The following GSTCD variants were observed in gnomAD, a reference collection of about 807,000 sequenced individuals.
GSTCD encodes glutathione S-transferase C-terminal domain containing.
A neutral mutation model predicts 68.3 loss-of-function variants in GSTCD; 44 were observed. That is an observed-to-expected ratio of 0.64 (90% CI 0.51 to 0.83). GSTCD has a LOEUF of 0.83. Among genes scored for constraint, GSTCD ranks in the 40% least tolerant of loss-of-function variants. The probability of loss-of-function intolerance (pLI) is 0.00; values close to 1 mark genes in which losing one functional copy is unlikely to be tolerated. For synonymous variants in GSTCD, 273 were observed against 255.2 expected (o/e 1.07, Z -0.67); for missense variants, 739 against 735.9 (o/e 1.00, Z -0.05).
At chr4:105,834,177 TTGTTTCGAATCTAG>T (rs1560853856) in intron 8 of GSTCD, among the ~76,000 whole-genome samples, 2 of 152,238 alleles carry the variant, frequency 1.3e-5, no homozygotes, top group African/African-American at 4.8e-5. Context: ...CTCGAAATTC[TTGTTTCGAATCTAG>T]TGTTCCTGGA....
intron 4 of GSTCD, among the ~76,000 whole-genome samples, chr4:105,727,189 G>A (rs1370320996): frequency 7.0e-6 from 1 of 143,020 alleles, no homozygotes; most frequent in East Asian, 2.0e-4. Context: ...GTAAAGTTTT[G>A]GTCTCAGCCT....
intron 4 of GSTCD, among the ~76,000 whole-genome samples, chr4:105,727,935 G>A (rs149872418): frequency 2.6e-5 from 4 of 152,280 alleles, no homozygotes; most frequent in East Asian, 1.9e-4. Flanking sequence ...TTTGGGTTAG[G>A]AAGTATTTGA....
intron 5 of GSTCD, among the ~76,000 whole-genome samples, chr4:105,819,852 C>A (rs1723191201): frequency 6.6e-6 from 1 of 150,990 alleles, no homozygotes; most frequent in African/African-American, 2.4e-5. Context: ...AAGCTCTAAA[C>A]ATAGTTTTAG....
At chr4:105,790,889 A>T (rs1402725110) in intron 5 of GSTCD, among the ~76,000 whole-genome samples, 2 of 152,058 alleles carry the variant, frequency 1.3e-5, no homozygotes, top group African/African-American at 2.4e-5. Flanking sequence ...GTGATAACCA[A>T]CATCCACTCA....
chr4:105,818,013 T>C (rs1185856507), intron 5 of GSTCD, among the ~76,000 whole-genome samples: 2 of 151,930 alleles, frequency 1.3e-5, no homozygotes, highest in African/African-American at 4.8e-5. Flanking sequence ...TTGAGAACCT[T>C]TTATGTGCTT....
At chr4:105,743,957 C>G (rs1733722881) in intron 5 of GSTCD, among the ~76,000 whole-genome samples, 2 of 152,008 alleles carry the variant, frequency 1.3e-5, no homozygotes, top group Admixed American at 1.3e-4. Flanking sequence ...CCATGCCTCG[C>G]CAAAACAGGA....
intron 5 of GSTCD, among the ~76,000 whole-genome samples, chr4:105,736,852 GTTTAT>G (rs1733479766): frequency 6.6e-6 from 1 of 151,980 alleles, no homozygotes; most frequent in Admixed American, 6.6e-5. Context: ...TCTGTGCCTG[GTTTAT>G]TTTATTTAAC....
chr4:105,834,572 T>G lies in GSTCD; in HGVS notation c.1642T>G (p.Ser548Ala). 2 of 1,614,020 alleles carry G rather than the reference T, an allele frequency of 1.2e-6. No homozygotes were observed. The highest frequency in any genetic ancestry group is 1.7e-6 in the Non-Finnish European group (2 of 1,179,936). The change falls in exon 9 of 12, where the codon TCA (serine) becomes GCA (alanine). Residue 548 changes from serine (S) to alanine (A), a missense_variant. Transcript: ENST00000515279. Reference protein sequence around the residue: ...PCCYGFIQNTSKFNFPKSEQF... With the variant: ...PCCYGFIQNTAKFNFPKSEQF... ...CTGTTATGGTTTCATTCAGAACACCTCAAAGTTCAATTTTCCAAAAAGGTG... is the reference window on the plus strand; with the variant it reads ...CTGTTATGGTTTCATTCAGAACACCGCAAAGTTCAATTTTCCAAAAAGGTG...
intron 5 of GSTCD, among the ~76,000 whole-genome samples, chr4:105,805,848 A>G (rs1221886250): frequency 6.6e-6 from 1 of 152,014 alleles, no homozygotes; most frequent in Non-Finnish European, 1.5e-5. Context: ...TATGTAAGCC[A>G]TTATTGTTAT....
intron 5 of GSTCD, among the ~76,000 whole-genome samples, chr4:105,774,529 C>T (rs910444427): frequency 6.6e-6 from 1 of 152,090 alleles, no homozygotes; most frequent in Admixed American, 6.5e-5. Context: ...TTCAGGAGCT[C>T]TTGTAAGGCA....
chr4:105,782,396 G>T (rs1735308877), intron 5 of GSTCD, among the ~76,000 whole-genome samples: 1 of 152,128 alleles, frequency 6.6e-6, no homozygotes, highest in African/African-American at 2.4e-5. Context: ...ACAGGCTGAG[G>T]CAGAAGGATC....
intron 1 of GSTCD, among the ~76,000 whole-genome samples, chr4:105,710,127 G>T (rs977047702): frequency 6.6e-6 from 1 of 151,426 alleles, no homozygotes; most frequent in Non-Finnish European, 1.5e-5. Context: ...AATGAGATTT[G>T]AGAATCATCA....
rs527471862 is a variant in GSTCD at position 105,831,884 on chromosome 4, C to T, written c.1531-2577C>T. ...CCTGGAGGCAGAGGTTGCAGGGAGT[C>T]GAGATCACACCGTTGCACTCCACCC... On this transcript the variant is annotated intron_variant, in intron 8 of 11. Coordinates refer to ENST00000515279, the MANE Select transcript of GSTCD (RefSeq NM_001370181.1). 1.6e-4 allele frequency among the ~76,000 whole-genome samples: 25 copies of T among 151,996 alleles called. No individual in the cohort carries two copies. In the South Asian group the frequency reaches 5.2e-3, roughly 32 times the overall value.
chr4:105,804,146 G>T (rs919057607), intron 5 of GSTCD, among the ~76,000 whole-genome samples: 3 of 151,786 alleles, frequency 2.0e-5, no homozygotes, highest in Non-Finnish European at 4.4e-5. Flanking sequence ...TTAGTTATCA[G>T]AAATTTTCCA....
At chr4:105,720,970 AT>A (rs1211630776) in intron 3 of GSTCD, among the ~76,000 whole-genome samples, 10 of 149,932 alleles carry the variant, frequency 6.7e-5, no homozygotes, top group Non-Finnish European at 1.3e-4. Flanking sequence ...TTTTTACTGG[AT>A]TTTTTTTTCT....
At chr4:105,715,343 T>C (rs879285784) in intron 1 of GSTCD, among the ~76,000 whole-genome samples, 3 of 152,190 alleles carry the variant, frequency 2.0e-5, no homozygotes, top group Non-Finnish European at 2.9e-5. Flanking sequence ...ATAAATACCT[T>C]TTTGTTTTAA....
chr4:105,714,619 C>A (rs1427901713), intron 1 of GSTCD, among the ~76,000 whole-genome samples: 1 of 148,790 alleles, frequency 6.7e-6, no homozygotes, highest in East Asian at 1.9e-4. Context: ...AATAGGGAGA[C>A]ATTATTCAAG....
At chr4:105,734,092 C>T (rs7671981) in intron 5 of GSTCD, among the ~76,000 whole-genome samples, 4,249 of 152,178 alleles carry the variant, frequency 0.028, 173 homozygotes, top group African/African-American at 0.088. Flanking sequence ...GTGGGTACCC[C>T]GACCTTTCTC....
intron 5 of GSTCD, among the ~76,000 whole-genome samples, chr4:105,763,412 C>A (rs183215589): frequency 2.0e-5 from 3 of 152,196 alleles, no homozygotes; most frequent in Admixed American, 6.6e-5. Flanking sequence ...ACATTAACAA[C>A]CCAATGATAT....
Sources: gnomAD v4.1 joint callset for allele counts (sites outside exome capture counted in the v4.1 genomes callset) on GRCh38, gnomAD v4.1.1 for gene constraint, MANE v1.5 for transcripts, NCBI Gene and HGNC (gene_info 2026-07-23, HGNC 2026-07-21) for gene names.